LPAR1: variants seen among roughly 807,000 people sequenced by gnomAD.
LPAR1 encodes lysophosphatidic acid receptor 1, also known as LPA receptor 1.
LPAR1 carries 5 observed loss-of-function variants against 23.8 expected under a neutral mutation model. The ratio of observed to expected loss-of-function variants is 0.21; its 90% confidence interval spans 0.11 to 0.44. The LOEUF is 0.44. Among genes scored for constraint, LPAR1 ranks in the 20% least tolerant of loss-of-function variants. The probability of loss-of-function intolerance (pLI) is 0.99; values close to 1 mark genes in which losing one functional copy is unlikely to be tolerated. For synonymous variants in LPAR1, 160 were observed against 164.7 expected (o/e 0.97, Z 0.22); for missense variants, 311 against 482.8 (o/e 0.64, Z 3.33).
chr9:110,958,615 A>G (rs544376564), intron 4 of LPAR1, among the ~76,000 whole-genome samples: 1 of 152,146 alleles, frequency 6.6e-6, no homozygotes, highest in Non-Finnish European at 1.5e-5. Flanking sequence ...AAACTATAAA[A>G]TTACTAAAAA....
chr9:110,929,152 G>C (rs747986191), intron 5 of LPAR1, among the ~76,000 whole-genome samples: 32 of 152,130 alleles, frequency 2.1e-4, no homozygotes, highest in Non-Finnish European at 3.2e-4. Context: ...CACCCTATTA[G>C]AACCTCATAT....
intron 4 of LPAR1, among the ~76,000 whole-genome samples, chr9:110,950,077 C>T (rs1192214894): frequency 6.6e-6 from 1 of 151,362 alleles, no homozygotes; most frequent in African/African-American, 2.4e-5. Context: ...CAAACATGTA[C>T]ACTAATTGTC....
At chr9:110,967,308 A>G (rs548495770) in intron 4 of LPAR1, among the ~76,000 whole-genome samples, 20 of 152,300 alleles carry the variant, frequency 1.3e-4, no homozygotes, top group Middle Eastern at 6.8e-3. Flanking sequence ...CCCCACTTCA[A>G]AAAACAAGGC....
At chr9:111,026,635 C>G (rs2097697244) in intron 2 of LPAR1, among the ~76,000 whole-genome samples, 1 of 152,190 alleles carries the variant, frequency 6.6e-6, no homozygotes, top group Non-Finnish European at 1.5e-5. Context: ...CCAGCTTTTA[C>G]CCATTCAGTA....
rs527996902 is a variant in LPAR1 at position 111,010,997 on chromosome 9, A to G, written c.-182+25125T>C. ...AGACATAATGTATGAACATCAAATC[A>G]TCAAAGACAGTTCAAGAGAATGCCT... is the stretch of plus-strand genomic sequence containing the variant. On this transcript the variant is annotated intron_variant, in intron 2 of 5. Coordinates refer to ENST00000683809, the MANE Select transcript of LPAR1 (RefSeq NM_001351411.2). 7.9e-5 allele frequency among the ~76,000 whole-genome samples: 12 copies of G among 152,352 alleles called. No homozygotes were observed. In the East Asian group the frequency reaches 2.3e-3, roughly 29 times the overall value.
chr9:111,030,813 A>C (rs1156293132), intron 2 of LPAR1, among the ~76,000 whole-genome samples: 4 of 152,190 alleles, frequency 2.6e-5, no homozygotes, highest in Non-Finnish European at 4.4e-5. Context: ...AGAAGGGCCC[A>C]TGCAGGCTCT....
intron 4 of LPAR1, among the ~76,000 whole-genome samples, chr9:110,959,281 T>C (rs1215220962): frequency 7.4e-6 from 1 of 135,382 alleles, no homozygotes; most frequent in South Asian, 2.4e-4. Context: ...AAGGTAAGGA[T>C]GGAAGGAAGG....
At chr9:110,892,945 T>C (rs944989948) in intron 5 of LPAR1, among the ~76,000 whole-genome samples, 1 of 152,108 alleles carries the variant, frequency 6.6e-6, no homozygotes, top group Non-Finnish European at 1.5e-5. Context: ...CCCATGATTG[T>C]CCAGCAATAT....
chr9:110,906,219 A>G lies in LPAR1; in HGVS notation c.794-30497T>C, dbSNP rs189934338. On this transcript the variant is annotated intron_variant, in intron 5 of 5. Coordinates refer to ENST00000683809, the MANE Select transcript of LPAR1 (RefSeq NM_001351411.2). Reference sequence around the variant, plus strand: ...CTAAGATCCCTGGAACTCTAGAATCAACCTTCTGACTACATTGCTGGTCCA... The same window carrying G: ...CTAAGATCCCTGGAACTCTAGAATCGACCTTCTGACTACATTGCTGGTCCA... Among the ~76,000 whole-genome samples, 5 of 152,354 alleles carry G rather than the reference A, an allele frequency of 3.3e-5. No individual in the cohort carries two copies. In the East Asian group the frequency reaches 7.7e-4, roughly 24 times the overall value.
rs1564113995 is a variant in LPAR1 at position 110,941,590 on chromosome 9, G to A, written c.624C>T (p.Val208=). 6.2e-7 allele frequency: 1 copy of A among 1,614,108 alleles called. No individual in the cohort carries two copies. The highest frequency in any genetic ancestry group is 2.2e-5 in the East Asian group (1 of 44,880). The change falls in exon 5 of 6, where the codon GTC becomes GTT. Residue 208 remains valine (V), a synonymous_variant. Transcript: ENST00000683809. This position sits in a 1 kb window ranked among gnomAD's most constrained non-coding sequence, Gnocchi z 6.1. ...MAPLYSDSYL[V]FWAIFNLVTF... ...TCACCAAGTTGAAAATGGCCCAGAA[G>A]ACTAAGTAAGAGTCACTGTAGAGGG...
intron 5 of LPAR1, among the ~76,000 whole-genome samples, chr9:110,886,572 G>A (rs2082489541): frequency 6.6e-6 from 1 of 152,028 alleles, no homozygotes; most frequent in South Asian, 2.1e-4. Flanking sequence ...TAACATGCAT[G>A]CACTATGCAC....
intron 5 of LPAR1, among the ~76,000 whole-genome samples, chr9:110,882,880 A>G (rs1308633742): frequency 3.9e-5 from 6 of 152,196 alleles, no homozygotes; most frequent in Admixed American, 3.9e-4. Flanking sequence ...CAACTCACTC[A>G]TATTCAGATA....
chr9:111,011,973 G>A (rs1003416001), intron 2 of LPAR1, among the ~76,000 whole-genome samples: 9 of 152,184 alleles, frequency 5.9e-5, no homozygotes, highest in Non-Finnish European at 1.0e-4. Context: ...GTCTCAGCTA[G>A]GCACAATGGC....
chr9:110,914,454 A>G (rs1044147319), intron 5 of LPAR1, among the ~76,000 whole-genome samples: 33 of 152,202 alleles, frequency 2.2e-4, no homozygotes, highest in African/African-American at 7.7e-4. Context: ...CTACCACCAG[A>G]ACAGCACGGG....
At chr9:110,913,564 A>G (rs2092718113) in intron 5 of LPAR1, among the ~76,000 whole-genome samples, 1 of 152,146 alleles carries the variant, frequency 6.6e-6, no homozygotes, top group Non-Finnish European at 1.5e-5. Flanking sequence ...GTATATATAT[A>G]TATATCCATT....
chr9:111,025,732 A>T (rs2097678063), intron 2 of LPAR1, among the ~76,000 whole-genome samples: 1 of 152,210 alleles, frequency 6.6e-6, no homozygotes, highest in South Asian at 2.1e-4. Flanking sequence ...TATAAGGTGT[A>T]AGGAAGGGGT....
intron 5 of LPAR1, among the ~76,000 whole-genome samples, chr9:110,917,543 C>T (rs963922805): frequency 1.3e-5 from 2 of 152,090 alleles, no homozygotes; most frequent in Admixed American, 1.3e-4. Context: ...TTACAGACCA[C>T]CAACCTTCAC....
intron 5 of LPAR1, among the ~76,000 whole-genome samples, chr9:110,881,885 G>A (rs1373214149): frequency 6.6e-6 from 1 of 152,114 alleles, no homozygotes; most frequent in East Asian, 1.9e-4. Flanking sequence ...CCCTACACAT[G>A]ACTGGCCCTG....
At chr9:110,886,420 GAA>G (rs5899920) in intron 5 of LPAR1, among the ~76,000 whole-genome samples, 1 of 117,168 alleles carries the variant, frequency 8.5e-6, no homozygotes, top group Non-Finnish European at 1.6e-5. Flanking sequence ...ATAACCAAAG[GAA>G]AAAAAAAAAA....
Sources: gnomAD v4.1 joint callset for allele counts (sites outside exome capture counted in the v4.1 genomes callset) on GRCh38, gnomAD v4.1.1 for gene constraint, Gnocchi (gnomAD v3.1) non-coding constraint, MANE v1.5 for transcripts, NCBI Gene and HGNC (gene_info 2026-07-23, HGNC 2026-07-21) for gene names.